Variants in PREX1 observed in about 807,000 individuals in gnomAD.
PREX1 encodes phosphatidylinositol 3,4,5-trisphosphate-dependent Rac exchanger 1 protein.
A neutral mutation model predicts 198.3 loss-of-function variants in PREX1; 41 were observed. The ratio of observed to expected loss-of-function variants is 0.21; its 90% CI spans 0.16 to 0.27. The LOEUF is 0.27. PREX1 is among the 10% of genes least tolerant of loss of function. The probability of loss-of-function intolerance (pLI) is 1.00; values close to 1 mark genes in which losing one functional copy is unlikely to be tolerated. For missense variants in PREX1, 1,620 were observed against 2,200.7 expected (o/e 0.74, Z 5.28); for synonymous variants, 843 against 887.2 (o/e 0.95, Z 0.89).
At chr20:48,779,500 G>C (rs2090278728) in intron 1 of PREX1, among the ~76,000 whole-genome samples, 1 of 152,040 alleles carries the variant, frequency 6.6e-6, no homozygotes, top group Non-Finnish European at 1.5e-5. Context: ...CCCTGCTCCT[G>C]GATGTTTACC....
intron 14 of PREX1, among the ~76,000 whole-genome samples, chr20:48,672,761 G>A (rs550247529): frequency 5.3e-5 from 8 of 152,148 alleles, no homozygotes; most frequent in Non-Finnish European, 7.3e-5. Context: ...CAGTATGGCC[G>A]TCCCTGACCC....
intron 1 of PREX1, among the ~76,000 whole-genome samples, chr20:48,822,351 A>C (rs893234640): frequency 4.6e-5 from 7 of 152,236 alleles, no homozygotes; most frequent in Non-Finnish European, 1.0e-4. Flanking sequence ...GATAGTGGTG[A>C]AGAATGTGGG....
intron 1 of PREX1, among the ~76,000 whole-genome samples, chr20:48,803,718 C>A (rs79393750): frequency 0.058 from 8,419 of 145,160 alleles, 298 homozygotes; most frequent in African/African-American, 0.098. Context: ...GCAGCCGGCA[C>A]CTCACCCCAT....
chr20:48,865,569 G>A, the PREX1 span, among the ~76,000 whole-genome samples: 1 of 152,186 alleles, frequency 6.6e-6, no homozygotes, highest in Non-Finnish European at 1.5e-5. Flanking sequence ...CAGGGGCTCT[G>A]TCTATAGAGG....
At position 48,649,502 on chromosome 20, in the gene PREX1, C is replaced by T. The variant is rs1241932321; in HGVS notation, c.3103G>A (p.Ala1035Thr). 1 of 1,614,030 alleles carries T rather than the reference C, an allele frequency of 6.2e-7. No individual in the cohort carries two copies. The highest frequency in any genetic ancestry group is 2.2e-5 in the East Asian group (1 of 44,884). ...MAAPSWKCLP[A>T]AEGDPQGQGL... ...TGGCCTTGGGGATCACCCTCTGCAG[C>T]AGGCAAGCACTTCCAGGAGGGAGCA... The change falls in exon 25 of 40, where the codon GCT (alanine) becomes ACT (threonine). Residue 1035 changes from alanine to threonine, a missense_variant. By Grantham distance (58) the Ala-to-Thr change is moderately conservative. Coordinates refer to ENST00000371941, the MANE Select transcript of PREX1 (RefSeq NM_020820.4).
chr20:48,857,104 G>A, the PREX1 span, among the ~76,000 whole-genome samples: 3 of 152,322 alleles, frequency 2.0e-5, no homozygotes, highest in South Asian at 6.2e-4. Context: ...CTCCCCAAGG[G>A]CTGAGATTAT....
At chr20:48,654,055 G>A (rs749495091) in intron 19 of PREX1, among the ~76,000 whole-genome samples, 2 of 152,248 alleles carry the variant, frequency 1.3e-5, no homozygotes, top group Non-Finnish European at 2.9e-5. Context: ...TACCAGGCCT[G>A]AATGGTGTGG....
intron 5 of PREX1, among the ~76,000 whole-genome samples, chr20:48,718,712 G>C (rs572352030): frequency 6.6e-6 from 1 of 152,128 alleles, no homozygotes; most frequent in Non-Finnish European, 1.5e-5. Flanking sequence ...GAAAACACTA[G>C]TCAAAAGAAA....
At chr20:48,748,183 A>T (rs904111621) in intron 1 of PREX1, among the ~76,000 whole-genome samples, 2 of 152,192 alleles carry the variant, frequency 1.3e-5, no homozygotes, top group Non-Finnish European at 2.9e-5. Context: ...CCTTTGGCCC[A>T]AAAAGATACA....
rs564109177 is a variant in PREX1 at position 48,659,106 on chromosome 20, G to A, written c.1881+813C>T. ...TAGCTGGGTGTGGTGGCGCAGGTCT[G>A]TTGTCCTAGCCACTGGGGAGGCAGA... On this transcript the variant is annotated intron_variant, in intron 16 of 39. Transcript: ENST00000371941. Among the ~76,000 whole-genome samples the A allele has an allele frequency of 4.2e-4, 61 of 146,374 alleles. 1 individual carries two copies. The highest frequency in any genetic ancestry group is 1.5e-3 in the African/African-American group (60 of 39,930).
At chr20:48,695,814 T>A (rs1176334872) in intron 7 of PREX1, among the ~76,000 whole-genome samples, 1 of 152,248 alleles carries the variant, frequency 6.6e-6, no homozygotes, top group African/African-American at 2.4e-5. Flanking sequence ...GGCCAAATAG[T>A]ACACATTTTC....
At chr20:48,726,205 A>G in intron 5 of PREX1, 85 bp downstream of exon 5, 1 of 1,149,552 alleles carries the variant, frequency 8.7e-7, no homozygotes, top group Non-Finnish European at 1.3e-6. Context: ...CTGCTGCTAG[A>G]CTTCTCAGAT....
intron 2 of PREX1, among the ~76,000 whole-genome samples, chr20:48,747,491 G>T (rs112627076): frequency 1.6e-3 from 250 of 152,366 alleles, no homozygotes; most frequent in African/African-American, 5.3e-3. Flanking sequence ...TTTTCCACTG[G>T]CTCCAAGCCA....
the PREX1 span, among the ~76,000 whole-genome samples, chr20:48,880,608 A>C: frequency 2.0e-5 from 3 of 152,134 alleles, no homozygotes; most frequent in African/African-American, 7.2e-5. Flanking sequence ...AGTTTTCTTT[A>C]AGGATCATTT....
chr20:48,873,499 A>C, the PREX1 span, among the ~76,000 whole-genome samples: 2 of 148,698 alleles, frequency 1.3e-5, no homozygotes, highest in South Asian at 4.5e-4. Context: ...ACCTGAGGTC[A>C]GGAGTTCAAG....
At chr20:48,876,987 A>C in the PREX1 span, among the ~76,000 whole-genome samples, 1 of 152,096 alleles carries the variant, frequency 6.6e-6, no homozygotes, top group African/African-American at 2.4e-5. Context: ...TATGATATAT[A>C]GGCCGGGCGC....
intron 12 of PREX1, 30 bp downstream of exon 12, chr20:48,679,621 G>A (rs769397414): frequency 6.4e-7 from 1 of 1,562,036 alleles, no homozygotes; most frequent in Admixed American, 1.7e-5. Context: ...GGCCAGCTGA[G>A]TCAGAGTCAC....
At chr20:48,662,445 G>GC (rs372842393) in intron 15 of PREX1, among the ~76,000 whole-genome samples, 1 of 152,200 alleles carries the variant, frequency 6.6e-6, no homozygotes, top group Non-Finnish European at 1.5e-5. Flanking sequence ...TCCCTGCTCA[G>GC]CCCCTTCCTG....
chr20:48,677,121 G>A (rs1453922697), intron 13 of PREX1, among the ~76,000 whole-genome samples: 1 of 151,534 alleles, frequency 6.6e-6, no homozygotes, highest in Admixed American at 6.6e-5. Context: ...CTTTAGGACT[G>A]GGGGGGTCTG....
Sources: gnomAD v4.1 joint callset for allele counts (sites outside exome capture counted in the v4.1 genomes callset) on GRCh38, gnomAD v4.1.1 for gene constraint, MANE v1.5 for transcripts, NCBI Gene and HGNC (gene_info 2026-07-23, HGNC 2026-07-21) for gene names.